The following KCNU1 variants were observed in gnomAD, a reference collection of about 807,000 sequenced individuals.
KCNU1 encodes the protein potassium calcium-activated channel subfamily U member 1.
A neutral mutation model predicts 126.8 loss-of-function variants in KCNU1; 93 were observed. The observed-to-expected ratio is 0.73, with a 90% CI of 0.62 to 0.87. The LOEUF (loss-of-function observed/expected upper bound fraction) is 0.87. KCNU1 is among the 40% of genes least tolerant of loss of function. The pLI, the probability that KCNU1 is intolerant of heterozygous loss-of-function variation, is 0.00. For missense variants in KCNU1, 1,330 were observed against 1,367.1 expected (o/e 0.97, Z 0.43); for synonymous variants, 523 against 494.2 (o/e 1.06, Z -0.77).
In KCNU1 at chr8:36,893,424, C is replaced by T. The variant is rs1165650420; in HGVS notation, c.2010-12284C>T. Among the ~76,000 whole-genome samples the T allele has an allele frequency of 3.3e-5, 5 of 151,474 alleles. No individual in the cohort carries two copies. The South Asian group carries it at 8.3e-4, about 25-fold the overall frequency. On this transcript the variant is annotated intron_variant, in intron 19 of 26. Transcript: ENST00000399881. ...TTTTTAAAATGCCTCCGGAAAAATT[C>T]CACTGAGAAAACTCCCAGGCCAAAT...
chr8:36,860,774 T>C (rs140432775), intron 18 of KCNU1, among the ~76,000 whole-genome samples: 1 of 152,182 alleles, frequency 6.6e-6, no homozygotes, highest in East Asian at 1.9e-4. Context: ...GAAAGCAGAA[T>C]TCTGAAAAGG....
chr8:36,836,339 A>G lies in KCNU1; in HGVS notation c.1339A>G (p.Ile447Val), dbSNP rs927473594. ...KNYDSTTRII[I>V]QILQSHNKVY... is the part of the protein sequence containing the mutation. The stretch of plus-strand genomic sequence containing the variant: ...CTATGATTCTACCACCAGAATCATC[A>G]TACAGATACTGCAATCCCATAACAA... Residue 447 changes from isoleucine (I) to valine (V), a missense_variant, in exon 13 of 27, where the codon ATA (isoleucine) becomes GTA (valine). This residue lies in a region of KCNU1 where 1,054 missense variants were observed against 1,053.9 expected (regional missense o/e 1.00). Transcript: ENST00000399881. 3 of 1,605,626 alleles carry G rather than the reference A, an allele frequency of 1.9e-6. No homozygotes were observed. In the African/African-American group the frequency reaches 4.0e-5, roughly 21 times the overall value.
chr8:36,856,601 A>G (rs964394662), intron 18 of KCNU1, among the ~76,000 whole-genome samples: 2 of 152,028 alleles, frequency 1.3e-5, no homozygotes, highest in African/African-American at 4.8e-5. Context: ...GCTCATTTTA[A>G]TGGTCTCTTT....
chr8:36,804,196 C>G, intron 3 of KCNU1, 108 bp downstream of exon 3: 1 of 719,708 alleles, frequency 1.4e-6, no homozygotes, highest in South Asian at 1.6e-5. Context: ...CACACACATG[C>G]ACGCACACAC....
chr8:36,900,910 T>C (rs996740447), intron 19 of KCNU1, among the ~76,000 whole-genome samples: 6 of 152,096 alleles, frequency 3.9e-5, no homozygotes, highest in Admixed American at 3.3e-4. Flanking sequence ...TTGTTATTTT[T>C]GTAAAACTCA....
chr8:36,861,408 G>T (rs982377236), intron 18 of KCNU1, among the ~76,000 whole-genome samples: 1 of 152,002 alleles, frequency 6.6e-6, no homozygotes, highest in Non-Finnish European at 1.5e-5. Context: ...CCTGGCTCTG[G>T]TCTCCTTTCA....
At chr8:36,801,258 G>T (rs1803293327) in intron 2 of KCNU1, among the ~76,000 whole-genome samples, 1 of 152,144 alleles carries the variant, frequency 6.6e-6, no homozygotes, top group South Asian at 2.1e-4. Flanking sequence ...AAGGAGTTTT[G>T]AATTTGGATG....
chr8:36,930,912 C>A (rs556924450), intron 24 of KCNU1, 39 bp from the exon 25 acceptor site: 2 of 1,488,824 alleles, frequency 1.3e-6, no homozygotes, highest in African/African-American at 2.8e-5. Flanking sequence ...CACATATTGG[C>A]TCTTCTGACT....
chr8:36,913,277 T>A (rs1189511004), intron 22 of KCNU1, among the ~76,000 whole-genome samples: 1 of 152,008 alleles, frequency 6.6e-6, no homozygotes, highest in Non-Finnish European at 1.5e-5. Flanking sequence ...AAGAAGGAGC[T>A]GACTGGTTTT....
At chr8:36,839,587 G>T (rs1166383254) in intron 14 of KCNU1, among the ~76,000 whole-genome samples, 4 of 152,144 alleles carry the variant, frequency 2.6e-5, no homozygotes, top group Non-Finnish European at 5.9e-5. Flanking sequence ...GGGCAGAATT[G>T]TTTGTCTATG....
rs531099542 is a variant in KCNU1, at chr8:36,930,956, C to T, written c.2742C>T (p.Phe914=). ...GGCTTGTCCTTGTTTTCCAGGCCTT[C>T]TACAATTATCATGTCCTGGAATTGC... The part of the protein sequence containing the change: ...SFLDSLLATA[F]YNYHVLELLQ... Residue 914 remains phenylalanine, a synonymous_variant, in exon 25 of 27, where the codon TTC becomes TTT. Transcript: ENST00000399881. The T allele has an allele frequency of 6.2e-7, 1 of 1,602,538 alleles. No individual in the cohort carries two copies. The highest frequency in any genetic ancestry group is 1.1e-5 in the South Asian group (1 of 89,082).
Sources: gnomAD v4.1 joint callset for allele counts (sites outside exome capture counted in the v4.1 genomes callset) on GRCh38, gnomAD v4.1.1 for gene constraint, gnomAD v4.1.1 regional missense constraint, MANE v1.5 for transcripts, NCBI Gene and HGNC (gene_info 2026-07-23, HGNC 2026-07-21) for gene names.